Variants in RAPGEF1 observed in about 807,000 individuals in gnomAD.
RAPGEF1 encodes the protein CRK SH3-binding GNRP.
A neutral mutation model predicts 143.3 loss-of-function variants in RAPGEF1; 33 were observed. That is an observed-to-expected ratio of 0.23 (90% CI 0.17 to 0.31). RAPGEF1 has a LOEUF of 0.31. Ranked by LOEUF, RAPGEF1 falls within the 10% of genes least tolerant of loss-of-function variation. RAPGEF1 has a pLI of 1.00. For synonymous variants in RAPGEF1, 629 were observed against 676.5 expected (o/e 0.93, Z 1.09); for missense variants, 1,199 against 1,645.4 (o/e 0.73, Z 4.69).
chr9:131,669,153 C>T (rs1469319540), intron 1 of RAPGEF1, among the ~76,000 whole-genome samples: 2 of 152,234 alleles, frequency 1.3e-5, no homozygotes, highest in African/African-American at 4.8e-5. Flanking sequence ...GCCCCCACCT[C>T]TGCTGCGCTA....
chr9:131,697,988 A>G (rs1247633749), intron 1 of RAPGEF1, among the ~76,000 whole-genome samples: 2 of 152,168 alleles, frequency 1.3e-5, no homozygotes, highest in Non-Finnish European at 2.9e-5. Context: ...AACATGTGTG[A>G]CTATCTGGAC....
At chr9:131,611,336 T>A (rs1957991096) in intron 12 of RAPGEF1, among the ~76,000 whole-genome samples, 1 of 152,242 alleles carries the variant, frequency 6.6e-6, no homozygotes, top group African/African-American at 2.4e-5. Flanking sequence ...GTGGAGCTTA[T>A]TTTTAAAAAC....
chr9:131,584,484 G>C lies in RAPGEF1; in HGVS notation c.3312+34C>G, dbSNP rs554987721. Reference sequence around the variant, plus strand: ...CCGGGCTCCCAGAGCAGGGACTGATGATGGGGGCCTGGGAAGGACTTGGCC... The same window carrying C: ...CCGGGCTCCCAGAGCAGGGACTGATCATGGGGGCCTGGGAAGGACTTGGCC... On this transcript the variant is annotated intron_variant, in intron 23 of 26. Coordinates refer to ENST00000683357, the MANE Select transcript of RAPGEF1 (RefSeq NM_001377935.1). The surrounding 1 kb of genome is among the most constrained non-coding windows in gnomAD (Gnocchi z 6.8). 2 of 1,612,894 alleles carry C rather than the reference G, an allele frequency of 1.2e-6. No individual in the cohort carries two copies. The highest frequency in any genetic ancestry group is 1.3e-5 in the African/African-American group (1 of 75,036).
At chr9:131,672,465 A>ACTT (rs1299201560) in intron 1 of RAPGEF1, among the ~76,000 whole-genome samples, 1 of 152,140 alleles carries the variant, frequency 6.6e-6, no homozygotes, top group African/African-American at 2.4e-5. Flanking sequence ...CAAACCTAAG[A>ACTT]ATCTGATGAA....
chr9:131,659,582 C>T (rs948712019), intron 1 of RAPGEF1, among the ~76,000 whole-genome samples: 7 of 152,104 alleles, frequency 4.6e-5, no homozygotes, highest in Admixed American at 3.3e-4. Context: ...CCCGAGCCTC[C>T]GGTTCCTCAC....
chr9:131,640,234 C>T (rs944468891), intron 4 of RAPGEF1, among the ~76,000 whole-genome samples: 18 of 152,348 alleles, frequency 1.2e-4, no homozygotes, highest in African/African-American at 4.1e-4. Flanking sequence ...GGACCTCGCT[C>T]TGCTTCCTGG....
At chr9:131,612,822 A>G (rs1958242085) in intron 12 of RAPGEF1, among the ~76,000 whole-genome samples, 1 of 152,236 alleles carries the variant, frequency 6.6e-6, no homozygotes, top group South Asian at 2.1e-4. Flanking sequence ...CTCTGCAGAC[A>G]GGAACTACCT....
At position 131,732,870 on chromosome 9, in the gene RAPGEF1, C is replaced by T. The variant is rs150667733; in HGVS notation, c.61+6900G>A. ...CCGCAGTGGTAGACACACTCCCTCA[C>T]GGAGCTAATCATCTGTTTAACATTT... On this transcript the variant is annotated intron_variant, in intron 1 of 26. Coordinates refer to ENST00000683357, the MANE Select transcript of RAPGEF1 (RefSeq NM_001377935.1). Among the ~76,000 whole-genome samples the T allele has an allele frequency of 9.0e-4, 137 of 152,320 alleles. 1 individual carries two copies. In the East Asian group the frequency reaches 0.023, roughly 26 times the overall value.
chr9:131,638,486 A>C lies in RAPGEF1; in HGVS notation c.651+149T>G. On this transcript the variant is annotated intron_variant, in intron 5 of 26. Transcript: ENST00000683357. ...ATTCGCACCAGTCCTGAGAGAAGTAAGTAGTTATGGGATAGAGCGCACCAA... is the reference window on the plus strand; with the variant it reads ...ATTCGCACCAGTCCTGAGAGAAGTACGTAGTTATGGGATAGAGCGCACCAA... 3 of 859,004 alleles carry C rather than the reference A, an allele frequency of 3.5e-6. No homozygotes were observed. The South Asian group carries it at 5.2e-5, about 15-fold the overall frequency. The allele number at this position is 859,004 out of a possible 1,614,324, so 53.2% of individuals were successfully genotyped here.
At chr9:131,737,666 CT>C in intron 1 of RAPGEF1, 74 of 1,266,698 alleles carry the variant, frequency 5.8e-5, no homozygotes, top group Non-Finnish European at 6.1e-5. Context: ...CAACTTTTTC[CT>C]TTTTTTAAAA....
At chr9:131,719,949 G>C (rs1054457574) in intron 1 of RAPGEF1, among the ~76,000 whole-genome samples, 6 of 148,894 alleles carry the variant, frequency 4.0e-5, no homozygotes, top group African/African-American at 1.5e-4. Flanking sequence ...ACAGTGGCAC[G>C]ATCTCAGCTC....
chr9:131,685,647 C>CT (rs1833282068), intron 1 of RAPGEF1, among the ~76,000 whole-genome samples: 1 of 152,156 alleles, frequency 6.6e-6, no homozygotes. Context: ...TAATGACTGG[C>CT]TTGCTGTTAA....
At chr9:131,739,640 C>G (rs1437696696) in intron 1 of RAPGEF1, 130 bp downstream of exon 1, 2 of 675,968 alleles carry the variant, frequency 3.0e-6, no homozygotes, top group Non-Finnish European at 3.7e-6. Context: ...CCGGCGAGGC[C>G]TCGGTGGCTT....
chr9:131,608,854 C>T (rs1445554050), intron 12 of RAPGEF1, among the ~76,000 whole-genome samples: 2 of 152,292 alleles, frequency 1.3e-5, no homozygotes, highest in East Asian at 1.9e-4. Flanking sequence ...ACTTCCAGCC[C>T]CTTATGATCA....
At chr9:131,715,149 C>A (rs1835772588) in intron 1 of RAPGEF1, among the ~76,000 whole-genome samples, 1 of 152,176 alleles carries the variant, frequency 6.6e-6, no homozygotes, top group Admixed American at 6.6e-5. Flanking sequence ...AGATCAGTCT[C>A]AGAATGTCAT....
chr9:131,602,051 C>T lies in RAPGEF1; in HGVS notation c.2501+10G>A, dbSNP rs1956359894. On this transcript the variant is annotated intron_variant, in intron 15 of 26. Transcript: ENST00000683357. ...TCGGGGGACCCAGCTCCTCTGGGTC[C>T]ACTTCCTACCTCTCACTGCCGTCTC... The T allele has an allele frequency of 6.3e-7, 1 of 1,586,794 alleles. No homozygotes were observed. The highest frequency in any genetic ancestry group is 1.8e-5 in the Admixed American group (1 of 56,288).
intron 10 of RAPGEF1, among the ~76,000 whole-genome samples, chr9:131,622,682 A>G (rs1250622730): frequency 6.6e-6 from 1 of 152,208 alleles, no homozygotes; most frequent in Non-Finnish European, 1.5e-5. Context: ...TGGTTGTAAA[A>G]GATGCACAGG....
At chr9:131,648,913 A>G (rs932869204) in intron 3 of RAPGEF1, among the ~76,000 whole-genome samples, 2 of 152,252 alleles carry the variant, frequency 1.3e-5, no homozygotes, top group Non-Finnish European at 2.9e-5. Context: ...TACCAGCGGC[A>G]TTAAATGGAT....
chr9:131,683,049 A>C (rs1189487972), intron 1 of RAPGEF1, among the ~76,000 whole-genome samples: 2 of 152,240 alleles, frequency 1.3e-5, no homozygotes, highest in Non-Finnish European at 2.9e-5. Context: ...AATGGGGAGC[A>C]CAAGTTCTAA....
Sources: gnomAD v4.1 joint callset for allele counts (sites outside exome capture counted in the v4.1 genomes callset) on GRCh38, gnomAD v4.1.1 for gene constraint, Gnocchi (gnomAD v3.1) non-coding constraint, MANE v1.5 for transcripts, NCBI Gene and HGNC (gene_info 2026-07-23, HGNC 2026-07-21) for gene names.